DDX31: variants seen among roughly 807,000 people sequenced by gnomAD.
DDX31 encodes ATP-dependent DNA helicase DDX31.
In DDX31, 70 loss-of-function variants were observed where a neutral mutation model predicts 91.3. The ratio of observed to expected loss-of-function variants is 0.77; its 90% CI spans 0.63 to 0.94. The LOEUF (loss-of-function observed/expected upper bound fraction) is 0.94, where lower values mean the gene tolerates loss of function less well. Ranked by LOEUF, DDX31 falls within the 40% of genes least tolerant of loss-of-function variation. DDX31 has a pLI of 0.00. For missense variants in DDX31, 902 were observed against 925.0 expected, an observed-to-expected ratio of 0.98 and a Z score of 0.32; for synonymous variants, 362 against 350.6, an observed-to-expected ratio of 1.03 and a Z score of -0.36.
chr9:132,612,290 G>A, intron 18 of DDX31, 35 bp from the exon 19 acceptor site: 1 of 1,613,144 alleles, frequency 6.2e-7, no homozygotes, highest in South Asian at 1.1e-5. Context: ...GAAGCTGTCA[G>A]GACCGGGGTC....
Position 132,661,232 on chromosome 9 carries a change from A to C in DDX31, c.428T>G (p.Val143Gly). The C allele has an allele frequency of 6.2e-7, 1 of 1,608,930 alleles. No individual in the cohort carries two copies. The change falls in exon 4 of 20, where the codon GTC (valine) becomes GGC (glycine). Residue 143 changes from valine (V) to glycine (G), a missense_variant. Coordinates refer to ENST00000372159, the MANE Select transcript of DDX31 (RefSeq NM_022779.9). Reference sequence around the variant, plus strand: ...CCTGGTCATACTAGACATTTTTAAGACCGTATTTATTGTGGAAATCTAAAA... The same window carrying C: ...CCTGGTCATACTAGACATTTTTAAGCCCGTATTTATTGTGGAAATCTAAAA... ...HPHLISTINT[V>G]LKMSSMTSVQ...
intron 5 of DDX31, among the ~76,000 whole-genome samples, chr9:132,658,989 A>G (rs1166956201): frequency 1.3e-5 from 2 of 152,238 alleles, no homozygotes; most frequent in Admixed American, 6.5e-5. Context: ...CTAACAAGAG[A>G]TAACGATATG....
intron 8 of DDX31, 38 bp from the exon 9 acceptor site, chr9:132,650,336 C>G (rs1162822932): frequency 6.3e-7 from 1 of 1,589,464 alleles, no homozygotes; most frequent in Non-Finnish European, 8.6e-7. Context: ...GTGCAAAGCC[C>G]CCTTTACTAA....
chr9:132,648,666 A>G (rs1179948270), intron 9 of DDX31, 115 bp from the exon 10 acceptor site: 1 of 1,244,152 alleles, frequency 8.0e-7, no homozygotes, highest in Non-Finnish European at 1.1e-6. Context: ...CAAACGTGCC[A>G]TAGCCTGAAA....
chr9:132,668,854 C>T (rs1443792487), intron 1 of DDX31, among the ~76,000 whole-genome samples: 1 of 152,196 alleles, frequency 6.6e-6, no homozygotes, highest in Non-Finnish European at 1.5e-5. Flanking sequence ...AGGCGTGAGC[C>T]ACCGCGCCCG....
intron 11 of DDX31, among the ~76,000 whole-genome samples, chr9:132,647,870 C>G (rs1833932424): frequency 6.6e-6 from 1 of 152,112 alleles, no homozygotes; most frequent in Non-Finnish European, 1.5e-5. Flanking sequence ...AGTGCAAGGG[C>G]CCTGCTCTCC....
chr9:132,648,605 T>C, intron 9 of DDX31, 54 bp from the exon 10 acceptor site: 1 of 1,552,300 alleles, frequency 6.4e-7, no homozygotes, highest in Non-Finnish European at 8.7e-7. Flanking sequence ...GCCACGCCAG[T>C]AGAAAACACA....
intron 19 of DDX31, among the ~76,000 whole-genome samples, chr9:132,604,823 T>C (rs59651568): frequency 0.12 from 18,633 of 152,180 alleles, 1,250 homozygotes; most frequent in Admixed American, 0.18. Flanking sequence ...GCAACCTCTC[T>C]CTGCCTGGGT....
At chr9:132,656,097 T>C (rs1834545353) in intron 6 of DDX31, among the ~76,000 whole-genome samples, 1 of 151,964 alleles carries the variant, frequency 6.6e-6, no homozygotes, top group Non-Finnish European at 1.5e-5. Flanking sequence ...ATGGATATGA[T>C]GTTAAAAAAA....
At chr9:132,604,926 C>T (rs1830927588) in intron 19 of DDX31, among the ~76,000 whole-genome samples, 1 of 152,168 alleles carries the variant, frequency 6.6e-6, no homozygotes, top group African/African-American at 2.4e-5. Context: ...CCTCCTTCAC[C>T]AGGGAACAGA....
chr9:132,626,525 G>GA (rs1832403285), intron 16 of DDX31, among the ~76,000 whole-genome samples: 1 of 152,212 alleles, frequency 6.6e-6, no homozygotes, highest in African/African-American at 2.4e-5. Context: ...GATGAAGGAA[G>GA]AAACGTGAGC....
At chr9:132,634,614 A>G (rs1777443653) in intron 14 of DDX31, among the ~76,000 whole-genome samples, 1 of 126,404 alleles carries the variant, frequency 7.9e-6, no homozygotes, top group Non-Finnish European at 1.6e-5. Flanking sequence ...TTTTTTAAAG[A>G]TGGGGTCTCA....
At chr9:132,649,748 A>G (rs569772510) in intron 9 of DDX31, among the ~76,000 whole-genome samples, 1 of 152,364 alleles carries the variant, frequency 6.6e-6, no homozygotes, top group Admixed American at 6.5e-5. Flanking sequence ...AAAAGAATGA[A>G]GACAATTTGA....
chr9:132,669,599 C>T (rs1564348855), intron 1 of DDX31: 1 of 1,509,940 alleles, frequency 6.6e-7, no homozygotes, highest in Non-Finnish European at 8.8e-7. Context: ...CTAATTCCTT[C>T]CTTTACTTTT....
chr9:132,662,139 G>A, intron 3 of DDX31, 122 bp downstream of exon 3: 1 of 940,562 alleles, frequency 1.1e-6, no homozygotes, highest in Non-Finnish European at 1.6e-6. Flanking sequence ...GTTCATTCAG[G>A]TAACTTAGAG....
At chr9:132,660,429 T>C (rs1834862556) in intron 4 of DDX31, among the ~76,000 whole-genome samples, 1 of 151,254 alleles carries the variant, frequency 6.6e-6, no homozygotes, top group Non-Finnish European at 1.5e-5. Flanking sequence ...CTAACAGGAA[T>C]ATGAAACACA....
intron 4 of DDX31, chr9:132,660,987 T>A: frequency 1.9e-6 from 1 of 529,678 alleles, no homozygotes; most frequent in Non-Finnish European, 3.3e-6. Flanking sequence ...AGACGTCTCT[T>A]GCGGTTCAGA....
At chr9:132,597,497 CA>C (rs1177838547) in intron 19 of DDX31, among the ~76,000 whole-genome samples, 1 of 152,194 alleles carries the variant, frequency 6.6e-6, no homozygotes, top group Admixed American at 6.5e-5. Flanking sequence ...ACCTAAGTTT[CA>C]AAATATGCAA....
chr9:132,604,273 C>T (rs144329720), intron 19 of DDX31, among the ~76,000 whole-genome samples: 137 of 152,276 alleles, frequency 9.0e-4, no homozygotes, highest in African/African-American at 2.9e-3. Context: ...TCAGAAGAAA[C>T]GCAGTCACCT....
Sources: allele counts gnomAD v4.1 joint callset (sites outside exome capture counted in the v4.1 genomes callset), GRCh38; gene constraint gnomAD v4.1.1; transcripts MANE v1.5; gene names NCBI Gene and HGNC (gene_info 2026-07-23, HGNC 2026-07-21).